CSMD1: variants seen among roughly 807,000 people sequenced by gnomAD.
CSMD1 encodes the protein CUB and sushi domain-containing protein 1.
CSMD1 carries 213 observed loss-of-function variants against 417.5 expected under a neutral mutation model. The ratio of observed to expected loss-of-function variants is 0.51; its 90% CI spans 0.46 to 0.57. The LOEUF (loss-of-function observed/expected upper bound fraction) is 0.57, where lower values mean the gene tolerates loss of function less well. Ranked by LOEUF, CSMD1 falls within the 20% of genes least tolerant of loss-of-function variation. The pLI is 0.00. For synonymous variants in CSMD1, 2,862 were observed against 1,736.8 expected (o/e 1.65, Z -16.11); for missense variants, 6,923 against 4,529.7 (o/e 1.53, Z -15.17).
intron 10 of CSMD1, among the ~76,000 whole-genome samples, chr8:3,568,499 G>A (rs540185545): frequency 1.3e-5 from 2 of 152,246 alleles, no homozygotes; most frequent in South Asian, 2.1e-4. Context: ...TTTTTAATGA[G>A]CTTTAATAGC....
chr8:3,771,436 G>T (rs1584972217), intron 5 of CSMD1, among the ~76,000 whole-genome samples: 1 of 152,306 alleles, frequency 6.6e-6, no homozygotes, highest in South Asian at 2.1e-4. Flanking sequence ...ATGATAGCAA[G>T]TTCTTCTCTC....
intron 51 of CSMD1, among the ~76,000 whole-genome samples, chr8:3,020,000 G>A (rs147637617): frequency 0.011 from 1,634 of 152,356 alleles, 23 homozygotes; most frequent in Middle Eastern, 0.014. Context: ...GCCTGCAGTG[G>A]CAAACATCGA....
Position 3,722,217 on chromosome 8 carries a change from G to C in CSMD1, c.932-13726C>G, listed in dbSNP as rs375680227. Among the ~76,000 whole-genome samples, 45 of 152,246 alleles carry C rather than the reference G, an allele frequency of 3.0e-4. No homozygotes were observed. In the South Asian group the frequency reaches 8.9e-3, roughly 30 times the overall value. ...CCACCTACTCGGGAGGCTGAGGCAG[G>C]AGAATTGCTTGACCAGGGAGGCAGA... On this transcript the variant is annotated intron_variant, in intron 6 of 69. Transcript: ENST00000635120.
intron 3 of CSMD1, among the ~76,000 whole-genome samples, chr8:4,037,761 G>T (rs985143654): frequency 6.6e-6 from 1 of 152,072 alleles, no homozygotes; most frequent in Non-Finnish European, 1.5e-5. Flanking sequence ...ACTGCAAACA[G>T]CCGTTAATAG....
At chr8:3,264,046 T>G (rs1296590388) in intron 26 of CSMD1, among the ~76,000 whole-genome samples, 1 of 152,184 alleles carries the variant, frequency 6.6e-6, no homozygotes, top group Non-Finnish European at 1.5e-5. Context: ...ATAGTAACAA[T>G]GAAACGAAAT....
intron 49 of CSMD1, among the ~76,000 whole-genome samples, chr8:3,085,381 T>C (rs578170214): frequency 2.6e-5 from 4 of 152,322 alleles, no homozygotes; most frequent in Admixed American, 2.6e-4. Context: ...TTCTTAAATA[T>C]TTTATAATTT....
chr8:3,363,489 G>A (rs148884685), intron 20 of CSMD1, among the ~76,000 whole-genome samples: 34 of 151,996 alleles, frequency 2.2e-4, no homozygotes, highest in African/African-American at 7.7e-4. Flanking sequence ...GAGGAGTTTT[G>A]CCTGGTGAAA....
intron 5 of CSMD1, among the ~76,000 whole-genome samples, chr8:3,978,764 G>A (rs555423560): frequency 2.0e-5 from 3 of 152,028 alleles, no homozygotes; most frequent in Non-Finnish European, 2.9e-5. Flanking sequence ...AGTGCATGAC[G>A]GTGCTCATGC....
chr8:4,637,815 C>G (rs888403620), intron 1 of CSMD1, among the ~76,000 whole-genome samples: 2 of 151,718 alleles, frequency 1.3e-5, no homozygotes, highest in Non-Finnish European at 2.9e-5. Flanking sequence ...GGACTACAGG[C>G]GCCCGCCACC....
intron 1 of CSMD1, among the ~76,000 whole-genome samples, chr8:4,680,815 G>C (rs1805993101): frequency 6.6e-6 from 1 of 151,970 alleles, no homozygotes. Flanking sequence ...CTTGACTTCA[G>C]GTGATCCACC....
intron 2 of CSMD1, among the ~76,000 whole-genome samples, chr8:4,558,791 C>A (rs1037359923): frequency 1.2e-4 from 19 of 152,268 alleles, no homozygotes; most frequent in South Asian, 1.0e-3. Context: ...TTGCTTGAAC[C>A]CAGGAGGTGG....
chr8:4,337,205 C>T (rs1389332063), intron 3 of CSMD1, among the ~76,000 whole-genome samples: 1 of 152,108 alleles, frequency 6.6e-6, no homozygotes, highest in Non-Finnish European at 1.5e-5. Flanking sequence ...AAAGGGGAGA[C>T]TTTCAATCTT....
chr8:4,830,128 G>C (rs1800066412), intron 1 of CSMD1, among the ~76,000 whole-genome samples: 1 of 152,136 alleles, frequency 6.6e-6, no homozygotes, highest in Admixed American at 6.6e-5. Context: ...GTTCTGCAAA[G>C]GCCCTGAATC....
chr8:4,109,876 C>G (rs531821880), intron 3 of CSMD1, among the ~76,000 whole-genome samples: 6 of 152,154 alleles, frequency 3.9e-5, no homozygotes, highest in Non-Finnish European at 8.8e-5. Flanking sequence ...AGTCATTGTG[C>G]TTTTTCTCAT....
chr8:3,227,771 CTTTTT>C (rs752654638), intron 27 of CSMD1, among the ~76,000 whole-genome samples: 1 of 142,318 alleles, frequency 7.0e-6, no homozygotes. Context: ...AAACTTTTTT[CTTTTT>C]TTTTTTTTTG....
At chr8:4,149,471 A>G (rs1796453127) in intron 3 of CSMD1, among the ~76,000 whole-genome samples, 1 of 152,218 alleles carries the variant, frequency 6.6e-6, no homozygotes. Flanking sequence ...CTTCCAATAT[A>G]TTTGAAGGAT....
chr8:3,345,360 T>C (rs551260906), intron 22 of CSMD1, among the ~76,000 whole-genome samples: 22 of 152,220 alleles, frequency 1.4e-4, no homozygotes, highest in South Asian at 1.0e-3. Flanking sequence ...TCTTTATCCA[T>C]GTCATCAGCA....
Position 4,543,102 on chromosome 8 carries a change from T to A in CSMD1, c.302+94240A>T, listed in dbSNP as rs115745843. Among the ~76,000 whole-genome samples, 540 of 152,336 alleles carry A rather than the reference T, an allele frequency of 3.5e-3. 4 individuals are homozygous for A. Among genetic ancestry groups the A allele is most frequent in the African/African-American group, 0.012 (519 of 41,582 alleles). ...ATAGTTTTCCCTATTATCAACATCCTGCATTAGTGTGGCACATTTATTACA... is the reference window on the plus strand; with the variant it reads ...ATAGTTTTCCCTATTATCAACATCCAGCATTAGTGTGGCACATTTATTACA... On this transcript the variant is annotated intron_variant, in intron 2 of 69. Coordinates refer to ENST00000635120, the MANE Select transcript of CSMD1 (RefSeq NM_033225.6).
chr8:4,507,435 T>C (rs1043621310), intron 2 of CSMD1, among the ~76,000 whole-genome samples: 3 of 152,292 alleles, frequency 2.0e-5, no homozygotes, highest in Middle Eastern at 3.4e-3. Context: ...CAGTGTTTTA[T>C]GGGTGCCAGG....
Sources: allele counts gnomAD v4.1 joint callset (sites outside exome capture counted in the v4.1 genomes callset), GRCh38; gene constraint gnomAD v4.1.1; transcripts MANE v1.5; gene names NCBI Gene and HGNC (gene_info 2026-07-23, HGNC 2026-07-21).